GLIS3: variants seen among roughly 807,000 people sequenced by gnomAD.
GLIS3 encodes the protein GLIS family zinc finger 3, also known as zinc finger protein GLIS3.
A neutral mutation model predicts 78.6 loss-of-function variants in GLIS3; 53 were observed. The ratio of observed to expected loss-of-function variants is 0.67; its 90% confidence interval spans 0.54 to 0.85. The LOEUF is 0.85. Ranked by LOEUF, GLIS3 falls within the 40% of genes least tolerant of loss-of-function variation. GLIS3 has a pLI of 0.00. For synonymous variants in GLIS3, 684 were observed against 509.9 expected, an observed-to-expected ratio of 1.34 and a Z score of -4.60; for missense variants, 1,703 against 1,231.1, an observed-to-expected ratio of 1.38 and a Z score of -5.74.
chr9:4,371,176 G>T, the GLIS3 span, among the ~76,000 whole-genome samples: 10 of 152,274 alleles, frequency 6.6e-5, no homozygotes, highest in African/African-American at 2.4e-4. Context: ...ACTAGGCTTG[G>T]CAGCTCCTCT....
chr9:4,484,260 C>T, the GLIS3 span, among the ~76,000 whole-genome samples: 34 of 143,244 alleles, frequency 2.4e-4, no homozygotes, highest in South Asian at 4.3e-3. Context: ...TTTTTTGAGA[C>T]GGAGTCTCGC....
chr9:3,853,369 C>G (rs201133948), intron 9 of GLIS3, among the ~76,000 whole-genome samples: 5 of 54,258 alleles, frequency 9.2e-5, no homozygotes, highest in African/African-American at 1.5e-4. Flanking sequence ...TCCTCTTGTT[C>G]ATTATTCATT....
intron 2 of GLIS3, among the ~76,000 whole-genome samples, chr9:4,186,265 T>A (rs1817784662): frequency 6.6e-6 from 1 of 151,820 alleles, no homozygotes; most frequent in Non-Finnish European, 1.5e-5. Context: ...CTTTTGTCCT[T>A]GCGATACTTT....
At chr9:4,051,282 C>G (rs970770849) in intron 4 of GLIS3, among the ~76,000 whole-genome samples, 1 of 152,108 alleles carries the variant, frequency 6.6e-6, no homozygotes, top group Non-Finnish European at 1.5e-5. Context: ...AGAAAAGTAT[C>G]TGAAGGAAAA....
intron 8 of GLIS3, among the ~76,000 whole-genome samples, chr9:3,857,135 G>A (rs773232469): frequency 6.6e-6 from 1 of 152,160 alleles, no homozygotes; most frequent in Non-Finnish European, 1.5e-5. Flanking sequence ...CAGAATATAG[G>A]GGAGAAAGGA....
At chr9:4,390,166 C>G in the GLIS3 span, among the ~76,000 whole-genome samples, 2 of 152,214 alleles carry the variant, frequency 1.3e-5, no homozygotes, top group Non-Finnish European at 2.9e-5. Context: ...ATCTCTGAAA[C>G]ATTCCAAATT....
the GLIS3 span, among the ~76,000 whole-genome samples, chr9:4,484,114 CT>C: frequency 1.3e-5 from 2 of 152,184 alleles, no homozygotes; most frequent in Non-Finnish European, 2.9e-5. Flanking sequence ...ACTTGGCCCG[CT>C]GAAATTGCCT....
intron 4 of GLIS3, among the ~76,000 whole-genome samples, chr9:4,016,072 C>A (rs1822410044): frequency 6.6e-6 from 1 of 152,046 alleles, no homozygotes; most frequent in Non-Finnish European, 1.5e-5. Context: ...TACAACTGTC[C>A]TACACACAGT....
chr9:4,232,019 G>C (rs1452672193), intron 2 of GLIS3, among the ~76,000 whole-genome samples: 3 of 152,058 alleles, frequency 2.0e-5, no homozygotes, highest in Non-Finnish European at 4.4e-5. Context: ...TCAACATTTA[G>C]CTTTGTATAG....
chr9:4,463,001 G>A, the GLIS3 span, among the ~76,000 whole-genome samples: 1 of 152,192 alleles, frequency 6.6e-6, no homozygotes, highest in Admixed American at 6.5e-5. Flanking sequence ...ATCCATGTCT[G>A]TACCAACAAT....
intron 2 of GLIS3, among the ~76,000 whole-genome samples, chr9:4,227,098 T>C (rs553597454): frequency 1.6e-4 from 24 of 152,274 alleles, no homozygotes; most frequent in African/African-American, 5.8e-4. Context: ...TCTGGGCCTT[T>C]GCTTTGCAGA....
intron 6 of GLIS3, among the ~76,000 whole-genome samples, chr9:3,911,117 CTTCCT>C (rs1171530476): frequency 2.0e-5 from 3 of 151,866 alleles, no homozygotes; most frequent in Non-Finnish European, 4.4e-5. Flanking sequence ...TCCTTCCTTC[CTTCCT>C]TTCCTTTCTT....
chr9:4,112,941 G>C lies in GLIS3; in HGVS notation c.1710+4827C>G, dbSNP rs144397607. 1.4e-3 allele frequency among the ~76,000 whole-genome samples: 219 copies of C among 151,970 alleles called. 1 individual carries two copies. Among genetic ancestry groups the C allele is most frequent in the Middle Eastern group, 3.4e-3 (1 of 292 alleles). ...ATCTCTTTTATTTCTTTCCTTTTGA[G>C]ATGTAACCACTATCCTAAAATTACT... On this transcript the variant is annotated intron_variant, in intron 4 of 10. Coordinates refer to ENST00000381971, the MANE Select transcript of GLIS3 (RefSeq NM_001042413.2).
chr9:4,459,537 G>A, the GLIS3 span, among the ~76,000 whole-genome samples: 1 of 152,242 alleles, frequency 6.6e-6, no homozygotes, highest in Non-Finnish European at 1.5e-5. Context: ...GCCAAGATGG[G>A]AGGATCACTT....
chr9:4,365,680 C>T, the GLIS3 span, among the ~76,000 whole-genome samples: 45 of 152,236 alleles, frequency 3.0e-4, no homozygotes, highest in Non-Finnish European at 4.6e-4. Context: ...AAAACGTCAT[C>T]TGAAAAACTG....
rs527482079 is a variant in GLIS3, at chr9:4,272,146, T to C, written c.388+13892A>G. 5.3e-5 allele frequency among the ~76,000 whole-genome samples: 8 copies of C among 152,296 alleles called. No individual in the cohort carries two copies. The South Asian group carries it at 6.2e-4, about 12-fold the overall frequency. On this transcript the variant is annotated intron_variant, in intron 2 of 10. Coordinates refer to ENST00000381971, the MANE Select transcript of GLIS3 (RefSeq NM_001042413.2). ...CTCTATTTTTCCCTTTCAGTTCTAATTGCCTACCTGACTGCACCAAAACCA... is the reference window on the plus strand; with the variant it reads ...CTCTATTTTTCCCTTTCAGTTCTAACTGCCTACCTGACTGCACCAAAACCA...
intron 2 of GLIS3, among the ~76,000 whole-genome samples, chr9:4,342,842 T>G (rs1035469468): frequency 5.3e-5 from 8 of 152,188 alleles, no homozygotes; most frequent in Non-Finnish European, 1.0e-4. Context: ...GGTATTTTAT[T>G]TTGTGTGTGT....
intron 4 of GLIS3, 24 bp from the exon 5 acceptor site, chr9:3,937,213 G>C: frequency 6.2e-7 from 1 of 1,613,744 alleles, no homozygotes; most frequent in Non-Finnish European, 8.5e-7. Context: ...ACAATTTTTG[G>C]TGGTTGAGAA....
chr9:4,201,830 A>G (rs113627820), intron 2 of GLIS3, among the ~76,000 whole-genome samples: 1,911 of 152,316 alleles, frequency 0.013, 39 homozygotes, highest in African/African-American at 0.043. Context: ...AGAACTAGAA[A>G]AAGCTATTCT....
Sources: gnomAD v4.1 joint callset for allele counts (sites outside exome capture counted in the v4.1 genomes callset) on GRCh38, gnomAD v4.1.1 for gene constraint, MANE v1.5 for transcripts, NCBI Gene and HGNC (gene_info 2026-07-23, HGNC 2026-07-21) for gene names.